FGF12: variants seen among roughly 807,000 people sequenced by gnomAD.
FGF12 encodes the protein fibroblast growth factor 12B.
In FGF12, 14 loss-of-function variants were observed where a neutral mutation model predicts 23.6. The observed-to-expected ratio is 0.59, with a 90% CI of 0.39 to 0.93. The LOEUF is 0.93. FGF12 is among the 40% of genes least tolerant of loss of function. FGF12 has a pLI of 0.00. For missense variants in FGF12, 175 were observed against 217.8 expected (o/e 0.80, Z 1.24); for synonymous variants, 62 against 77.3 (o/e 0.80, Z 1.04).
intron 2 of FGF12, among the ~76,000 whole-genome samples, chr3:192,582,117 A>T (rs1713181589): frequency 3.3e-5 from 5 of 152,234 alleles, no homozygotes; most frequent in Admixed American, 3.3e-4. Context: ...TCACCGTTGC[A>T]TTACACTTTG....
chr3:192,233,238 T>G (rs916693327), intron 4 of FGF12, among the ~76,000 whole-genome samples: 1 of 152,332 alleles, frequency 6.6e-6, no homozygotes, highest in African/African-American at 2.4e-5. Context: ...TTTTTGATAA[T>G]AGTAATTCTG....
chr3:192,692,840 T>C (rs988711132), intron 2 of FGF12, among the ~76,000 whole-genome samples: 1 of 152,174 alleles, frequency 6.6e-6, no homozygotes, highest in Non-Finnish European at 1.5e-5. Context: ...ATAAGCCATT[T>C]ATGAATAGTC....
chr3:192,383,956 G>C (rs76274145), intron 2 of FGF12, among the ~76,000 whole-genome samples: 3 of 152,130 alleles, frequency 2.0e-5, no homozygotes, highest in Non-Finnish European at 2.9e-5. Context: ...TAAGATCCAG[G>C]ACTCAGCCTT....
chr3:192,356,238 T>C (rs887546698), intron 3 of FGF12, among the ~76,000 whole-genome samples: 1 of 152,180 alleles, frequency 6.6e-6, no homozygotes, highest in Non-Finnish European at 1.5e-5. Flanking sequence ...TTGCCTCAAG[T>C]GCCAGGACAG....
chr3:192,711,435 G>A (rs1047787871), intron 2 of FGF12, among the ~76,000 whole-genome samples: 13 of 151,170 alleles, frequency 8.6e-5, no homozygotes, highest in East Asian at 1.9e-4. Flanking sequence ...CCGCCACCCC[G>A]TCTGGGAGGT....
chr3:192,555,630 CAA>C (rs11289130), intron 2 of FGF12, among the ~76,000 whole-genome samples: 4,194 of 84,044 alleles, frequency 0.05, 114 homozygotes, highest in Middle Eastern at 0.1. Flanking sequence ...TAAAAAGTAC[CAA>C]AAAAAAAAAA....
At chr3:192,190,468 CTTTTTTTTTTTT>C (rs34108891) in intron 4 of FGF12, among the ~76,000 whole-genome samples, 2 of 89,104 alleles carry the variant, frequency 2.2e-5, no homozygotes, top group South Asian at 4.6e-4. Flanking sequence ...GCCCAATACT[CTTTTTTTTTTTT>C]TTTTTTTTTT....
intron 2 of FGF12, among the ~76,000 whole-genome samples, chr3:192,533,347 C>T (rs1577040222): frequency 6.6e-6 from 1 of 152,208 alleles, no homozygotes; most frequent in East Asian, 1.9e-4. Context: ...TTTTGGGGAA[C>T]AAGGTGGTAT....
intron 2 of FGF12, among the ~76,000 whole-genome samples, chr3:192,723,754 A>T (rs1026084939): frequency 2.0e-5 from 3 of 151,746 alleles, no homozygotes; most frequent in Non-Finnish European, 4.4e-5. Context: ...AAAGCTCTAC[A>T]GGTGTTTCTA....
At chr3:192,494,816 T>G (rs1723898691) in intron 2 of FGF12, among the ~76,000 whole-genome samples, 1 of 150,460 alleles carries the variant, frequency 6.6e-6, no homozygotes, top group African/African-American at 2.5e-5. Flanking sequence ...TTGAAAGTGC[T>G]GTGGGAAGAA....
At chr3:192,392,629 AGAGAGGAAGGGAGGG>A (rs1720354177) in intron 2 of FGF12, among the ~76,000 whole-genome samples, 7 of 89,834 alleles carry the variant, frequency 7.8e-5, no homozygotes, top group African/African-American at 3.0e-4. Flanking sequence ...AGAGAGAGAG[AGAGAGGAAGGGAGGG>A]AGGGAGGGAG....
chr3:192,154,576 A>T (rs1431154951), intron 5 of FGF12, among the ~76,000 whole-genome samples: 11 of 151,496 alleles, frequency 7.3e-5, no homozygotes, highest in South Asian at 2.1e-4. Context: ...CCCTGCTGTG[A>T]GAGGTGTCAG....
At chr3:192,212,373 G>C (rs1310580227) in intron 4 of FGF12, among the ~76,000 whole-genome samples, 1 of 152,014 alleles carries the variant, frequency 6.6e-6, no homozygotes, top group African/African-American at 2.4e-5. Flanking sequence ...CGTCAACTCT[G>C]ATTTAGTTCA....
intron 4 of FGF12, among the ~76,000 whole-genome samples, chr3:192,227,745 G>A (rs77408863): frequency 0.014 from 2,144 of 152,130 alleles, 39 homozygotes; most frequent in East Asian, 0.051. Context: ...ATTGACAAAC[G>A]CAGGTCAATT....
At chr3:192,591,480 T>G (rs911408288) in intron 2 of FGF12, among the ~76,000 whole-genome samples, 27 of 151,808 alleles carry the variant, frequency 1.8e-4, no homozygotes, top group African/African-American at 6.3e-4. Context: ...GTGGTGGCAC[T>G]GAGGAAAAAG....
chr3:192,397,205 A>T (rs1720561677), intron 2 of FGF12, among the ~76,000 whole-genome samples: 1 of 152,180 alleles, frequency 6.6e-6, no homozygotes, highest in Non-Finnish European at 1.5e-5. Context: ...AGAGCTGCAG[A>T]ATGTGGAGGC....
intron 2 of FGF12, chr3:192,673,167 C>T (rs1408387420): frequency 1.3e-5 from 2 of 150,724 alleles, no homozygotes; most frequent in African/African-American, 4.8e-5. Context: ...CCATAGGCTT[C>T]CTGACATGAG....
intron 2 of FGF12, among the ~76,000 whole-genome samples, chr3:192,722,946 A>G (rs1719086964): frequency 6.6e-6 from 1 of 152,212 alleles, no homozygotes; most frequent in Admixed American, 6.5e-5. Context: ...AAGCACAAAA[A>G]TTACAATGTT....
intron 2 of FGF12, among the ~76,000 whole-genome samples, chr3:192,717,102 T>G (rs1439424676): frequency 6.6e-6 from 1 of 152,214 alleles, no homozygotes; most frequent in Non-Finnish European, 1.5e-5. Context: ...AGACTAAGCC[T>G]GCAGAGATTG....
Sources: gnomAD v4.1 joint callset for allele counts (sites outside exome capture counted in the v4.1 genomes callset) on GRCh38, gnomAD v4.1.1 for gene constraint, MANE v1.5 for transcripts, NCBI Gene and HGNC (gene_info 2026-07-23, HGNC 2026-07-21) for gene names.